The following FIRRM variants were observed in gnomAD, a reference collection of about 807,000 sequenced individuals.
FIRRM encodes the protein FIGNL1-interacting regulator of recombination and mitosis.
At chr1:169,826,803 A>G in the FIRRM span, among the ~76,000 whole-genome samples, 1 of 152,226 alleles carries the variant, frequency 6.6e-6, no homozygotes, top group African/African-American at 2.4e-5. Context: ...CCTCAAAGCA[A>G]CAAAGATTTC....
the FIRRM span, chr1:169,852,135 T>C: frequency 1.5e-5 from 10 of 665,010 alleles, no homozygotes; most frequent in Non-Finnish European, 2.3e-5. Context: ...ATATATTCTT[T>C]CAGTATGTTT....
At chr1:169,847,632 G>A in the FIRRM span, 45 of 1,218,492 alleles carry the variant, frequency 3.7e-5, no homozygotes, top group Non-Finnish European at 5.0e-5. Context: ...GGCAGTTATT[G>A]TGTCTGTACA....
chr1:169,809,775 T>A, the FIRRM span, among the ~76,000 whole-genome samples: 1 of 152,334 alleles, frequency 6.6e-6, no homozygotes, highest in Non-Finnish European at 1.5e-5. Context: ...GTATAATTTC[T>A]TCAATCTTAA....
the FIRRM span, among the ~76,000 whole-genome samples, chr1:169,785,812 C>T: frequency 6.6e-6 from 1 of 152,106 alleles, no homozygotes; most frequent in African/African-American, 2.4e-5. Flanking sequence ...CCTGTATTTC[C>T]CTGTCTCCTG....
chr1:169,792,557 G>C, the FIRRM span: 1 of 1,489,296 alleles, frequency 6.7e-7, no homozygotes, highest in Non-Finnish European at 8.9e-7. Flanking sequence ...ATTTCATTTT[G>C]GATACTCAGT....
chr1:169,854,019 C>CTT, the FIRRM span: 1 of 577,084 alleles, frequency 1.7e-6, no homozygotes, highest in Non-Finnish European at 3.0e-6. Context: ...ACACCAAATC[C>CTT]TTATTTTAAT....
the FIRRM span, among the ~76,000 whole-genome samples, chr1:169,824,741 G>C: frequency 6.6e-6 from 1 of 152,200 alleles, no homozygotes; most frequent in African/African-American, 2.4e-5. Context: ...TCTCACTCTT[G>C]GTTCTCTTCT....
At chr1:169,804,989 A>C in the FIRRM span, among the ~76,000 whole-genome samples, 1 of 152,136 alleles carries the variant, frequency 6.6e-6, no homozygotes, top group African/African-American at 2.4e-5. Flanking sequence ...AGCCAATACT[A>C]GTTTATTTTT....
chr1:169,839,368 T>C, the FIRRM span, among the ~76,000 whole-genome samples: 1 of 152,204 alleles, frequency 6.6e-6, no homozygotes. Flanking sequence ...GCTGAAATAA[T>C]ATACATTCCT....
the FIRRM span, among the ~76,000 whole-genome samples, chr1:169,806,849 AAAT>A: frequency 1.7e-4 from 26 of 152,222 alleles, no homozygotes; most frequent in Non-Finnish European, 2.9e-5. Context: ...CTGAAAATGG[AAAT>A]AATAATAGCA....
At chr1:169,845,807 A>G in the FIRRM span, among the ~76,000 whole-genome samples, 1 of 152,126 alleles carries the variant, frequency 6.6e-6, no homozygotes, top group Non-Finnish European at 1.5e-5. Flanking sequence ...GAACCCCCCA[A>G]AGTCATCCAT....
At chr1:169,823,284 CAAAT>C in the FIRRM span, 1 of 482,650 alleles carries the variant, frequency 2.1e-6, no homozygotes, top group East Asian at 3.5e-5. Flanking sequence ...GAAAGAAAAA[CAAAT>C]AATTTTTTTA....
chr1:169,803,335 GA>G, the FIRRM span: 1 of 1,609,362 alleles, frequency 6.2e-7, no homozygotes. Flanking sequence ...ATTATACTTT[GA>G]ATGGTATATA....
chr1:169,823,687 A>C, the FIRRM span, among the ~76,000 whole-genome samples: 1 of 151,054 alleles, frequency 6.6e-6, no homozygotes, highest in African/African-American at 2.4e-5. Flanking sequence ...TACCTTATAC[A>C]GGAGTAATAA....
chr1:169,790,930 AG>A, the FIRRM span, among the ~76,000 whole-genome samples: 2 of 152,216 alleles, frequency 1.3e-5, no homozygotes, highest in Admixed American at 1.3e-4. Flanking sequence ...AGGGCTGGGC[AG>A]GGGAGTGGTT....
At chr1:169,829,319 C>G in the FIRRM span, 3 of 1,613,358 alleles carry the variant, frequency 1.9e-6, no homozygotes, top group South Asian at 2.2e-5. Flanking sequence ...GGTGAACTCT[C>G]TCTACCTGTT....
At chr1:169,811,473 G>GGGAGCCCC in the FIRRM span, among the ~76,000 whole-genome samples, 1 of 151,986 alleles carries the variant, frequency 6.6e-6, no homozygotes, top group African/African-American at 2.4e-5. Context: ...GAGCAACACA[G>GGGAGCCCC]GGAGACCCCC....
the FIRRM span, chr1:169,850,060 T>C: frequency 1.8e-6 from 1 of 566,944 alleles, no homozygotes; most frequent in Non-Finnish European, 3.1e-6. Context: ...GCAGAAGTAA[T>C]TAAAGCTTAC....
chr1:169,830,453 A>G, the FIRRM span: 3 of 1,051,810 alleles, frequency 2.9e-6, no homozygotes, highest in Non-Finnish European at 2.8e-6. Context: ...TCCTTTAAAA[A>G]TAATTCCCAA....
Sources: gnomAD v4.1 joint callset for allele counts (sites outside exome capture counted in the v4.1 genomes callset) on GRCh38, gnomAD v4.1.1 for gene constraint, MANE v1.5 for transcripts, NCBI Gene and HGNC (gene_info 2026-07-23, HGNC 2026-07-21) for gene names.